The following CORIN variants were observed in gnomAD, a reference collection of about 807,000 sequenced individuals.
CORIN encodes corin, serine peptidase, also known as atrial natriuretic peptide-converting enzyme.
CORIN carries 117 observed loss-of-function variants against 125.3 expected under a neutral mutation model. That is an observed-to-expected ratio of 0.93 (90% CI 0.80 to 1.09). CORIN has a LOEUF of 1.09. Ranked by LOEUF, CORIN falls within the 50% of genes least tolerant of loss-of-function variation. The probability of loss-of-function intolerance (pLI) is 0.00; values close to 1 mark genes in which losing one functional copy is unlikely to be tolerated. For synonymous variants in CORIN, 450 were observed against 466.4 expected, an observed-to-expected ratio of 0.96 and a Z score of 0.45; for missense variants, 1,253 against 1,306.7, an observed-to-expected ratio of 0.96 and a Z score of 0.63.
At chr4:47,604,628 T>A (rs1721576265) in intron 19 of CORIN, among the ~76,000 whole-genome samples, 1 of 152,210 alleles carries the variant, frequency 6.6e-6, no homozygotes, top group South Asian at 2.1e-4. Context: ...CACCCAACAC[T>A]GAATGCATCA....
intron 1 of CORIN, among the ~76,000 whole-genome samples, chr4:47,813,271 C>T (rs1166140919): frequency 2.0e-5 from 3 of 152,186 alleles, no homozygotes; most frequent in South Asian, 4.1e-4. Context: ...CCAGCAAAGT[C>T]CCTTGAGTCA....
At chr4:47,621,946 C>A (rs2109550028) in intron 19 of CORIN, among the ~76,000 whole-genome samples, 1 of 148,834 alleles carries the variant, frequency 6.7e-6, no homozygotes, top group South Asian at 2.2e-4. Flanking sequence ...TGCACTGCAC[C>A]CACTAACTCG....
intron 16 of CORIN, among the ~76,000 whole-genome samples, chr4:47,638,030 AT>A (rs1723095077): frequency 6.7e-6 from 1 of 149,042 alleles, no homozygotes; most frequent in Non-Finnish European, 1.5e-5. Flanking sequence ...CACTTTTTGC[AT>A]CAGTGTGACC....
intron 21 of CORIN, among the ~76,000 whole-genome samples, chr4:47,598,616 T>C (rs766212524): frequency 1.3e-5 from 2 of 152,126 alleles, no homozygotes; most frequent in Non-Finnish European, 2.9e-5. Context: ...CAAATGACAT[T>C]GGAGAGAGGA....
intron 16 of CORIN, among the ~76,000 whole-genome samples, chr4:47,627,842 T>C (rs899912257): frequency 1.3e-5 from 2 of 152,150 alleles, no homozygotes; most frequent in African/African-American, 2.4e-5. Context: ...CATTCTTAAA[T>C]CAGGTATTCA....
chr4:47,783,781 G>A (rs1450986459), intron 3 of CORIN, among the ~76,000 whole-genome samples: 1 of 151,860 alleles, frequency 6.6e-6, no homozygotes, highest in African/African-American at 2.4e-5. Flanking sequence ...TAGCAAAAGT[G>A]ATAAATCATA....
chr4:47,813,849 T>TGG (rs960365775), intron 1 of CORIN, among the ~76,000 whole-genome samples: 1 of 152,232 alleles, frequency 6.6e-6, no homozygotes, highest in African/African-American at 2.4e-5. Context: ...GCCAATCTGG[T>TGG]GGATTTAGCT....
chr4:47,606,997 G>C (rs1721674893), intron 19 of CORIN, among the ~76,000 whole-genome samples: 1 of 152,104 alleles, frequency 6.6e-6, no homozygotes, highest in African/African-American at 2.4e-5. Context: ...GCAGTATTTT[G>C]AATAATCGAA....
At chr4:47,732,546 G>A (rs1159135665) in intron 5 of CORIN, among the ~76,000 whole-genome samples, 1 of 151,660 alleles carries the variant, frequency 6.6e-6, no homozygotes, top group African/African-American at 2.4e-5. Flanking sequence ...CACTATGGTA[G>A]CTGGTTTAGT....
chr4:47,743,021 T>C (rs574603425), intron 5 of CORIN, among the ~76,000 whole-genome samples: 1 of 152,126 alleles, frequency 6.6e-6, no homozygotes, highest in Non-Finnish European at 1.5e-5. Context: ...GGTGGGTCAA[T>C]TGAATATACA....
At chr4:47,605,110 C>A (rs542822786) in intron 19 of CORIN, among the ~76,000 whole-genome samples, 64 of 152,286 alleles carry the variant, frequency 4.2e-4, no homozygotes, top group Admixed American at 1.4e-3. Context: ...TCAACTCAAG[C>A]ATCATCTGCT....
At chr4:47,704,576 T>C (rs1194435651) in intron 5 of CORIN, among the ~76,000 whole-genome samples, 1 of 152,066 alleles carries the variant, frequency 6.6e-6, no homozygotes, top group Admixed American at 6.5e-5. Flanking sequence ...AGATTAGCCC[T>C]GAGTCAAGCA....
At chr4:47,772,112 G>GGT (rs1730068497) in intron 3 of CORIN, among the ~76,000 whole-genome samples, 4 of 151,578 alleles carry the variant, frequency 2.6e-5, no homozygotes, top group African/African-American at 9.8e-5. Context: ...TAGATAGATA[G>GGT]ATAGGTAGAT....
chr4:47,830,857 C>T (rs1732953218), intron 1 of CORIN, among the ~76,000 whole-genome samples: 1 of 152,216 alleles, frequency 6.6e-6, no homozygotes, highest in South Asian at 2.1e-4. Flanking sequence ...GCTTCAGAGA[C>T]ACTGACACCT....
intron 19 of CORIN, among the ~76,000 whole-genome samples, chr4:47,612,190 A>T (rs149286553): frequency 1.3e-5 from 2 of 152,252 alleles, no homozygotes; most frequent in Non-Finnish European, 2.9e-5. Flanking sequence ...TCTGGTGAAT[A>T]GACTTTAGAA....
At chr4:47,747,239 T>C (rs904422817) in intron 4 of CORIN, among the ~76,000 whole-genome samples, 1 of 151,594 alleles carries the variant, frequency 6.6e-6, no homozygotes, top group African/African-American at 2.4e-5. Flanking sequence ...AATAAGAAAA[T>C]AGATGAAAAA....
At chr4:47,819,757 T>G (rs1247978632) in intron 1 of CORIN, among the ~76,000 whole-genome samples, 3 of 152,180 alleles carry the variant, frequency 2.0e-5, no homozygotes, top group Non-Finnish European at 2.9e-5. Context: ...TTCCATTAAT[T>G]CCCACCAGCC....
rs753521561 is a variant in CORIN at position 47,787,066 on chromosome 4, G to A, written c.209-141C>T. 6.0e-5 allele frequency: 39 copies of A among 652,022 alleles called. No homozygotes were observed. The Middle Eastern group carries it at 2.1e-3, about 35-fold the overall frequency. 40.4% of individuals were successfully genotyped at this position (652,022 alleles called of 1,614,324 possible). A position where few individuals can be genotyped will look rare whatever the true frequency, so the allele number is the denominator to read the frequency against. Reference sequence around the variant, plus strand: ...GGTAAACACAAAGACGAAGATGAAAGCCGTAATAGTGACCTCCTTCTTGGG... The same window carrying A: ...GGTAAACACAAAGACGAAGATGAAAACCGTAATAGTGACCTCCTTCTTGGG... On this transcript the variant is annotated intron_variant, in intron 2 of 21. Coordinates refer to ENST00000273857, the MANE Select transcript of CORIN (RefSeq NM_006587.4).
chr4:47,677,384 A>C (rs199666849), intron 9 of CORIN, among the ~76,000 whole-genome samples: 1 of 152,200 alleles, frequency 6.6e-6, no homozygotes, highest in Non-Finnish European at 1.5e-5. Context: ...CCTGGACCCT[A>C]CTGAGAGGCT....
Sources: allele counts gnomAD v4.1 joint callset (sites outside exome capture counted in the v4.1 genomes callset), GRCh38; gene constraint gnomAD v4.1.1; transcripts MANE v1.5; gene names NCBI Gene and HGNC (gene_info 2026-07-23, HGNC 2026-07-21).